LRP1B: variants seen among roughly 807,000 people sequenced by gnomAD.
The protein encoded by LRP1B is LDL receptor related protein 1B, also known as low-density lipoprotein receptor-related protein 1B.
Under a neutral mutation model 556.6 loss-of-function variants are expected in LRP1B, and 217 were observed. The ratio of observed to expected loss-of-function variants is 0.39; its 90% CI spans 0.35 to 0.44. The LOEUF (loss-of-function observed/expected upper bound fraction) is 0.44. LRP1B is among the 20% of genes least tolerant of loss of function. The probability of loss-of-function intolerance (pLI) is 1.00; values close to 1 mark genes in which losing one functional copy is unlikely to be tolerated. For missense variants in LRP1B, 5,053 were observed against 5,620.8 expected, an observed-to-expected ratio of 0.90 and a Z score of 3.23; for synonymous variants, 2,047 against 1,865.8, an observed-to-expected ratio of 1.10 and a Z score of -2.50.
chr2:140,970,572 G>A (rs1558772366), intron 18 of LRP1B, among the ~76,000 whole-genome samples: 2 of 152,106 alleles, frequency 1.3e-5, no homozygotes, highest in South Asian at 2.1e-4. Context: ...GAGGAGCTAC[G>A]TTCCTCAGTT....
intron 2 of LRP1B, among the ~76,000 whole-genome samples, chr2:141,523,387 G>A (rs1434617730): frequency 1.3e-5 from 2 of 151,998 alleles, no homozygotes; most frequent in African/African-American, 2.4e-5. Context: ...AGTTATGACA[G>A]GTAACCTCTC....
chr2:141,766,144 T>C (rs1694725079), intron 2 of LRP1B, among the ~76,000 whole-genome samples: 1 of 152,106 alleles, frequency 6.6e-6, no homozygotes, highest in Admixed American at 6.6e-5. Context: ...ATAGAAAGGA[T>C]TGTCAAGAAA....
intron 2 of LRP1B, among the ~76,000 whole-genome samples, chr2:141,593,434 A>AACATTTCTGATTTTCTTAAATGT (rs1404176639): frequency 0.32 from 8,422 of 26,610 alleles, 3,855 homozygotes; most frequent in South Asian, 0.7. Context: ...TTTCTTAAGA[A>AACATTTCTGATTTTCTTAAATGT]GGGGCCGGGC....
chr2:141,875,478 A>C (rs1698727305), intron 1 of LRP1B, among the ~76,000 whole-genome samples: 1 of 151,994 alleles, frequency 6.6e-6, no homozygotes, highest in Non-Finnish European at 1.5e-5. Flanking sequence ...ATTTTCTATT[A>C]TTAAGAATTT....
At chr2:141,655,895 G>T (rs530978028) in intron 2 of LRP1B, among the ~76,000 whole-genome samples, 1 of 152,142 alleles carries the variant, frequency 6.6e-6, no homozygotes, top group Non-Finnish European at 1.5e-5. Flanking sequence ...ATGAAACTGG[G>T]TCTTATTTAC....
intron 3 of LRP1B, among the ~76,000 whole-genome samples, chr2:141,281,304 C>A (rs1685500154): frequency 1.3e-5 from 2 of 151,788 alleles, no homozygotes. Context: ...AAGACTGTGA[C>A]AAAAATGTAA....
chr2:140,668,309 C>CAAAAAAAAA (rs560180473), intron 41 of LRP1B, among the ~76,000 whole-genome samples: 3 of 59,672 alleles, frequency 5.0e-5, no homozygotes, highest in Non-Finnish European at 8.4e-5. Flanking sequence ...GACTCCGTCT[C>CAAAAAAAAA]AAAAAAAAAA....
chr2:141,324,015 C>CACT (rs1446816366), intron 3 of LRP1B, among the ~76,000 whole-genome samples: 1 of 45,640 alleles, frequency 2.2e-5, no homozygotes, highest in African/African-American at 9.6e-5. Context: ...ACACACACAC[C>CACT]TGAACAAGGA....
chr2:141,421,333 C>G (rs926705218), intron 3 of LRP1B, among the ~76,000 whole-genome samples: 1 of 151,846 alleles, frequency 6.6e-6, no homozygotes, highest in African/African-American at 2.4e-5. Flanking sequence ...TCGAGACCAT[C>G]CCGGCTAAAA....
At position 140,543,602 on chromosome 2, in the gene LRP1B, C is replaced by G. The variant is rs183902427; in HGVS notation, c.7195-1631G>C. Among the ~76,000 whole-genome samples, 15 of 151,862 alleles carry G rather than the reference C, an allele frequency of 9.9e-5. No individual in the cohort carries two copies. The East Asian group carries it at 2.5e-3, about 25-fold the overall frequency. On this transcript the variant is annotated intron_variant, in intron 43 of 90. Coordinates refer to ENST00000389484, the MANE Select transcript of LRP1B (RefSeq NM_018557.3). ...AAATATGAATAGAAATATAACGAGG[C>G]ACAAAACAGGGGTGATCACTCTCAC...
At chr2:141,829,218 G>A (rs1697032341) in intron 1 of LRP1B, among the ~76,000 whole-genome samples, 1 of 152,096 alleles carries the variant, frequency 6.6e-6, no homozygotes, top group Middle Eastern at 3.4e-3. Context: ...TCCACCAAAT[G>A]TACTTTTATA....
At chr2:140,907,747 G>A (rs999883729) in intron 22 of LRP1B, 130 bp downstream of exon 22, 4 of 806,732 alleles carry the variant, frequency 5.0e-6, no homozygotes, top group Non-Finnish European at 8.3e-6. Flanking sequence ...ATGTAGACAA[G>A]GTTCAATGCT....
chr2:141,053,428 A>C (rs1699093144), intron 10 of LRP1B, among the ~76,000 whole-genome samples: 2 of 152,050 alleles, frequency 1.3e-5, no homozygotes, highest in South Asian at 4.2e-4. Flanking sequence ...GATGAGACTT[A>C]ACTCTACATC....
At chr2:141,125,446 G>C (rs971896199) in intron 7 of LRP1B, among the ~76,000 whole-genome samples, 1 of 152,216 alleles carries the variant, frequency 6.6e-6, no homozygotes, top group African/African-American at 2.4e-5. Flanking sequence ...AGAATGCAGA[G>C]AAAGAAGATA....
intron 7 of LRP1B, 125 bp from the exon 8 acceptor site, chr2:141,062,398 T>C (rs111750025): frequency 1.6e-6 from 1 of 618,558 alleles, no homozygotes; most frequent in South Asian, 2.0e-5. Context: ...GTTGGCTTCA[T>C]ATAACCATTT....
intron 1 of LRP1B, among the ~76,000 whole-genome samples, chr2:141,975,690 G>T (rs1311992390): frequency 6.6e-6 from 1 of 152,084 alleles, no homozygotes; most frequent in Non-Finnish European, 1.5e-5. Flanking sequence ...GCCTGCAAGT[G>T]ACCAGGCATT....
chr2:141,250,186 T>C (rs1368864615), intron 4 of LRP1B, among the ~76,000 whole-genome samples: 2 of 152,200 alleles, frequency 1.3e-5, no homozygotes, highest in Non-Finnish European at 2.9e-5. Flanking sequence ...TTTTGAGTAA[T>C]AGGATTGTCT....
At chr2:140,340,662 A>T (rs1006283094) in intron 77 of LRP1B, among the ~76,000 whole-genome samples, 1 of 146,802 alleles carries the variant, frequency 6.8e-6, no homozygotes, top group Admixed American at 6.7e-5. Context: ...TTAAGTTAAA[A>T]TTAAAAAAAA....
intron 3 of LRP1B, among the ~76,000 whole-genome samples, chr2:141,434,450 TTC>T (rs1680679485): frequency 7.5e-6 from 1 of 134,068 alleles, no homozygotes; most frequent in Admixed American, 7.8e-5. Context: ...TTGAAATAGT[TTC>T]TCTTTCTTAT....
Sources: allele counts gnomAD v4.1 joint callset (sites outside exome capture counted in the v4.1 genomes callset), GRCh38; gene constraint gnomAD v4.1.1; transcripts MANE v1.5; gene names NCBI Gene and HGNC (gene_info 2026-07-23, HGNC 2026-07-21).